Variants in MILR1 observed in about 807,000 individuals in gnomAD.
MILR1 encodes the protein mast cell immunoglobulin like receptor 1.
Under a neutral mutation model 18.5 loss-of-function variants are expected in MILR1, and 31 were observed. That is an observed-to-expected ratio of 1.68 (90% CI 1.26 to 2.26). MILR1 has a LOEUF of 2.26. Among genes scored for constraint, MILR1 ranks in the 30% most tolerant of loss-of-function variants. The pLI is 0.00. For synonymous variants in MILR1, 85 were observed against 56.2 expected (o/e 1.51, Z -2.30); for missense variants, 257 against 157.4 (o/e 1.63, Z -3.38).
the MILR1 span, chr17:64,484,011 A>G: frequency 6.6e-6 from 1 of 152,408 alleles, no homozygotes; most frequent in South Asian, 2.1e-4. Context: ...CATTCAGCCC[A>G]GCCTTCTCTT....
At chr17:64,477,450 A>T in the MILR1 span, among the ~76,000 whole-genome samples, 436 of 152,334 alleles carry the variant, frequency 2.9e-3, 7 homozygotes, top group Non-Finnish European at 3.8e-3. Flanking sequence ...TTAGGCTGGA[A>T]ATACAGCAGC....
intron 8 of MILR1, 49 bp from the exon 9 acceptor site, chr17:64,467,516 C>A: frequency 8.4e-7 from 1 of 1,187,006 alleles, no homozygotes; most frequent in Non-Finnish European, 1.2e-6. Flanking sequence ...TAAAAACAGC[C>A]TTGCTGGTCA....
rs1026666853 is a variant in MILR1 at position 64,458,996 on chromosome 17, G to A, written c.652+1312G>A. On this transcript the variant is annotated intron_variant, in intron 4 of 9. Coordinates refer to ENST00000619286, the MANE Select transcript of MILR1 (RefSeq NM_001085423.2). Reference sequence around the variant, plus strand: ...TAGGGTGCAGGTCAGAGCCCAGGTCGGGAGCGGGGCAGCCCGGGACTTCAG... The same window carrying A: ...TAGGGTGCAGGTCAGAGCCCAGGTCAGGAGCGGGGCAGCCCGGGACTTCAG... Among the ~76,000 whole-genome samples the A allele has an allele frequency of 4.3e-3, 661 of 152,302 alleles. 3 individuals carry two copies. Among genetic ancestry groups the A allele is most frequent in the African/African-American group, 0.013 (544 of 41,568 alleles).
intron 3 of MILR1, among the ~76,000 whole-genome samples, chr17:64,456,528 G>T (rs9898821): frequency 0.019 from 2,928 of 152,040 alleles, 90 homozygotes; most frequent in African/African-American, 0.066. Flanking sequence ...GATATTTTTG[G>T]GGCTGGGCAT....
chr17:64,449,288 T>G, intron 1 of MILR1, 26 bp from the exon 2 acceptor site: 1 of 473,562 alleles, frequency 2.1e-6, no homozygotes. Context: ...GAAAGTGAGC[T>G]TTATCGTGTT....
At chr17:64,470,660 A>C (rs1275704686), downstream of MILR1, among the ~76,000 whole-genome samples, 1 of 152,070 alleles carries the variant, frequency 6.6e-6, no homozygotes, top group Non-Finnish European at 1.5e-5. Flanking sequence ...GAACTGCTAG[A>C]TGTGCTCACT....
intron 4 of MILR1, among the ~76,000 whole-genome samples, chr17:64,459,803 G>A (rs1221829374): frequency 1.3e-5 from 2 of 152,108 alleles, no homozygotes; most frequent in Admixed American, 6.6e-5. Context: ...TGGATGACAC[G>A]AAACATGCTG....
chr17:64,450,807 T>C (rs1428717299), intron 2 of MILR1, among the ~76,000 whole-genome samples: 1 of 152,078 alleles, frequency 6.6e-6, no homozygotes, highest in African/African-American at 2.4e-5. Context: ...AACAGCTGCA[T>C]GGTATTTTAA....
chr17:64,493,060 C>T, the MILR1 span: 37 of 1,609,590 alleles, frequency 2.3e-5, no homozygotes, highest in African/African-American at 3.5e-4. Flanking sequence ...ACATCTAGTC[C>T]ACAAACCCAA....
chr17:64,483,184 G>T, the MILR1 span, among the ~76,000 whole-genome samples: 4 of 152,104 alleles, frequency 2.6e-5, no homozygotes, highest in Admixed American at 2.6e-4. Flanking sequence ...ATATTCAGCT[G>T]CCCCCCAGAT....
intron 5 of MILR1, among the ~76,000 whole-genome samples, chr17:64,462,533 A>G (rs954983854): frequency 6.6e-6 from 1 of 152,140 alleles, no homozygotes; most frequent in Non-Finnish European, 1.5e-5. Context: ...AGCACAAAAG[A>G]CACCTTCAAA....
intron 3 of MILR1, among the ~76,000 whole-genome samples, chr17:64,456,104 C>G (rs1321554540): frequency 6.6e-6 from 1 of 151,776 alleles, no homozygotes; most frequent in Non-Finnish European, 1.5e-5. Flanking sequence ...GAAGTCAGTC[C>G]CAACTCGGCC....
the MILR1 span, chr17:64,496,813 C>T: frequency 2.5e-6 from 4 of 1,613,688 alleles, no homozygotes; most frequent in Non-Finnish European, 2.5e-6. Context: ...GCTCGCCGTT[C>T]CCCTCGAGCT....
chr17:64,465,064 A>G (rs972790746), intron 5 of MILR1, among the ~76,000 whole-genome samples: 3 of 152,254 alleles, frequency 2.0e-5, no homozygotes, highest in Admixed American at 6.5e-5. Context: ...ACTGCACTCC[A>G]GCCCAGGCGA....
chr17:64,450,351 G>A (rs1439068323), intron 2 of MILR1, among the ~76,000 whole-genome samples: 1 of 152,054 alleles, frequency 6.6e-6, no homozygotes, highest in African/African-American at 2.4e-5. Context: ...CCATCCGTAA[G>A]TGATAGCCAA....
In MILR1 at chr17:64,468,295, C is replaced by CTTT; in HGVS notation, c.*29-6_*29-4dup. 2.6e-6 allele frequency: 1 copy of CTTT among 381,076 alleles called. No homozygotes were observed. Among genetic ancestry groups the CTTT allele is most frequent in the South Asian group, 2.0e-5 (1 of 51,010 alleles). The allele number at this position is 381,076 out of a possible 1,614,324, so 23.6% of individuals were successfully genotyped here. A position where few individuals can be genotyped will look rare whatever the true frequency, so the allele number is the denominator to read the frequency against. On this transcript the variant is annotated splice_polypyrimidine_tract_variant and intron_variant, in intron 9 of 9. Transcript: ENST00000619286. ...CTTTTATATTCTCTCTTGTCTCTCTCTTTTTTTTTTTGAGATGGAGTCTCA... is the reference window on the plus strand; with the variant it reads ...CTTTTATATTCTCTCTTGTCTCTCTCTTTTTTTTTTTTTTGAGATGGAGTCTCA...
At chr17:64,470,568 G>A (rs1409507609), downstream of MILR1, among the ~76,000 whole-genome samples, 1 of 152,084 alleles carries the variant, frequency 6.6e-6, no homozygotes, top group Non-Finnish European at 1.5e-5. Flanking sequence ...GAGCGCTCGC[G>A]GGCATTGGGA....
Position 64,452,620 on chromosome 17 carries a change from T to A in MILR1, c.121T>A (p.Ser41Thr), listed in dbSNP as rs2037199266. The change falls in exon 3 of 10, where the codon TCA (serine) becomes ACA (threonine). Residue 41 changes from serine (S) to threonine (T), a missense_variant. Coordinates refer to ENST00000619286, the MANE Select transcript of MILR1 (RefSeq NM_001085423.2). ...TNEFPSPCLD[S>T]KTKVVMKGQN... ...AGAATTCCCTTCTCCATGTTTGGACTCAAAGACTAAGGTGGTTATGAAGGG... is the reference window on the plus strand; with the variant it reads ...AGAATTCCCTTCTCCATGTTTGGACACAAAGACTAAGGTGGTTATGAAGGG... 4.7e-6 allele frequency: 2 copies of A among 425,294 alleles called. No individual in the cohort carries two copies. The highest frequency in any genetic ancestry group is 8.6e-6 in the Non-Finnish European group (2 of 232,384). The allele number at this position is 425,294 out of a possible 1,614,324, so 26.3% of individuals were successfully genotyped here. A position where few individuals can be genotyped will look rare whatever the true frequency, so the allele number is the denominator to read the frequency against.
At chr17:64,449,922 A>ATTTCTTTCTTTC (rs1253200155) in intron 2 of MILR1, among the ~76,000 whole-genome samples, 13 of 147,584 alleles carry the variant, frequency 8.8e-5, no homozygotes, top group African/African-American at 3.0e-4. Flanking sequence ...TTTGACCTTA[A>ATTTCTTTCTTTC]TTTCTTTCTT....
Sources: gnomAD v4.1 joint callset for allele counts (sites outside exome capture counted in the v4.1 genomes callset) on GRCh38, gnomAD v4.1.1 for gene constraint, MANE v1.5 for transcripts, NCBI Gene and HGNC (gene_info 2026-07-23, HGNC 2026-07-21) for gene names.